PTPRK: variants seen among roughly 807,000 people sequenced by gnomAD.
The protein encoded by PTPRK is receptor-type tyrosine-protein phosphatase kappa.
In PTPRK, 75 loss-of-function variants were observed where a neutral mutation model predicts 178.0. The observed-to-expected ratio is 0.42, with a 90% CI of 0.35 to 0.51. The LOEUF (loss-of-function observed/expected upper bound fraction) is 0.51, where lower values mean the gene tolerates loss of function less well. Ranked by LOEUF, PTPRK falls within the 20% of genes least tolerant of loss-of-function variation. PTPRK has a pLI of 0.02. For missense variants in PTPRK, 1,441 were observed against 1,797.8 expected (o/e 0.80, Z 3.59); for synonymous variants, 637 against 620.6 (o/e 1.03, Z -0.39).
chr6:128,193,790 C>G (rs1156465648), intron 6 of PTPRK, among the ~76,000 whole-genome samples: 1 of 151,994 alleles, frequency 6.6e-6, no homozygotes, highest in Non-Finnish European at 1.5e-5. Context: ...GAAAACATTG[C>G]TGCAATAACT....
rs138896119 is a variant in PTPRK, at chr6:128,272,841, C to T, written c.496-30239G>A. On this transcript the variant is annotated intron_variant, in intron 3 of 29. Transcript: ENST00000368226. Reference sequence around the variant, plus strand: ...CTAGAACTAGAAATACCATTTGACCCAGCCATCCCATTACTGAGCATATAC... The same window carrying T: ...CTAGAACTAGAAATACCATTTGACCTAGCCATCCCATTACTGAGCATATAC... Among the ~76,000 whole-genome samples, 232 of 152,274 alleles carry T rather than the reference C, an allele frequency of 1.5e-3. 2 individuals carry two copies. Among genetic ancestry groups the T allele is most frequent in the African/African-American group, 5.4e-3 (224 of 41,558 alleles).
chr6:128,339,605 T>C lies in PTPRK; in HGVS notation c.224-17295A>G, dbSNP rs77951839. ...GAGGCAAAATTGCAACTAATTGTGA[T>C]TGAAACACAATCATAATTTTCCTCC... On this transcript the variant is annotated intron_variant, in intron 2 of 29. Transcript: ENST00000368226. 9.6e-3 allele frequency among the ~76,000 whole-genome samples: 1,468 copies of C among 152,266 alleles called. 25 individuals are homozygous for C. The highest frequency in any genetic ancestry group is 0.033 in the African/African-American group (1,379 of 41,544).
intron 15 of PTPRK, chr6:127,999,889 C>G: frequency 2.5e-6 from 2 of 809,404 alleles, no homozygotes; most frequent in Non-Finnish European, 3.0e-6. Flanking sequence ...CACAATTAAG[C>G]GTAAGTCCCT....
chr6:128,435,948 A>G (rs1378316234), intron 1 of PTPRK, among the ~76,000 whole-genome samples: 1 of 151,388 alleles, frequency 6.6e-6, no homozygotes, highest in African/African-American at 2.4e-5. Flanking sequence ...AAGTCAACTA[A>G]TTGACCAAAT....
rs74512226 is a variant in PTPRK at position 127,990,625 on chromosome 6, T to C, written c.3096+144A>G. 1.5e-3 allele frequency: 907 copies of C among 621,346 alleles called. 6 individuals carry two copies. The highest frequency in any genetic ancestry group is 0.013 in the African/African-American group (715 of 54,064). The allele number at this position is 621,346 out of a possible 1,614,324, so 38.5% of individuals were successfully genotyped here. A position where few individuals can be genotyped will look rare whatever the true frequency, so the allele number is the denominator to read the frequency against. On this transcript the variant is annotated intron_variant, in intron 21 of 29. Coordinates refer to ENST00000368226, the MANE Select transcript of PTPRK (RefSeq NM_002844.4). ...AAGGTTTAGAAACATGTCTGGCACA[T>C]AGTAAACTCTCAAATAAACATTTGT...
At chr6:127,977,178 G>A (rs957618140) in intron 25 of PTPRK, 124 bp from the exon 26 acceptor site, 2 of 924,078 alleles carry the variant, frequency 2.2e-6, no homozygotes, top group African/African-American at 3.3e-5. Flanking sequence ...TGCAGAAGGA[G>A]CCAGAGTGAT....
At chr6:128,391,438 T>C (rs1839554221) in intron 2 of PTPRK, among the ~76,000 whole-genome samples, 1 of 152,158 alleles carries the variant, frequency 6.6e-6, no homozygotes, top group Non-Finnish European at 1.5e-5. Flanking sequence ...TTTCTCAATC[T>C]CGTAATACAA....
Position 127,981,389 on chromosome 6 carries a change from G to T in PTPRK, c.3538-100C>A. The T allele has an allele frequency of 1.2e-5, 10 of 821,646 alleles. No individual in the cohort carries two copies. In the South Asian group the frequency reaches 1.7e-4, roughly 14 times the overall value. 50.9% of individuals were successfully genotyped at this position (821,646 alleles called of 1,614,324 possible). On this transcript the variant is annotated intron_variant, in intron 24 of 29. Transcript: ENST00000368226. Reference sequence around the variant, plus strand: ...TTAGAAGGCCAAGTAGAAAGTGAAGGATTTGTGCGAGGCAATGGCATTTGC... The same window carrying T: ...TTAGAAGGCCAAGTAGAAAGTGAAGTATTTGTGCGAGGCAATGGCATTTGC...
At chr6:127,996,850 C>A in intron 17 of PTPRK, 51 bp downstream of exon 17, 2 of 1,565,354 alleles carry the variant, frequency 1.3e-6, no homozygotes, top group Non-Finnish European at 1.7e-6. Context: ...AAGTTTAAAA[C>A]CATATAAGCA....
At chr6:128,270,284 C>G (rs181600144) in intron 3 of PTPRK, among the ~76,000 whole-genome samples, 2 of 152,196 alleles carry the variant, frequency 1.3e-5, no homozygotes, top group East Asian at 3.9e-4. Context: ...TCTAAGTCCT[C>G]TCCTAGGATT....
chr6:128,326,296 C>A (rs1260606045), intron 2 of PTPRK, among the ~76,000 whole-genome samples: 1 of 152,040 alleles, frequency 6.6e-6, no homozygotes, highest in African/African-American at 2.4e-5. Flanking sequence ...TATCTCAGAA[C>A]TTAAAGTATA....
intron 3 of PTPRK, among the ~76,000 whole-genome samples, chr6:128,250,181 C>G (rs1816234435): frequency 6.6e-6 from 1 of 152,100 alleles, no homozygotes; most frequent in Non-Finnish European, 1.5e-5. Context: ...ATTTTTCTTC[C>G]CAGTCTCATG....
intron 7 of PTPRK, among the ~76,000 whole-genome samples, chr6:128,140,264 A>C (rs1283543157): frequency 2.0e-5 from 3 of 152,100 alleles, no homozygotes; most frequent in Non-Finnish European, 1.5e-5. Context: ...ATTAAGGAGA[A>C]TGTATTTAAA....
chr6:128,086,094 A>G (rs1379236821), intron 8 of PTPRK, among the ~76,000 whole-genome samples: 1 of 152,122 alleles, frequency 6.6e-6, no homozygotes, highest in Non-Finnish European at 1.5e-5. Flanking sequence ...CACATCAACA[A>G]CTTTTAATGG....
chr6:128,388,697 G>A (rs1324654073), intron 2 of PTPRK, among the ~76,000 whole-genome samples: 1 of 152,124 alleles, frequency 6.6e-6, no homozygotes, highest in Non-Finnish European at 1.5e-5. Flanking sequence ...AATTTACTTA[G>A]GTTCACCTGA....
At chr6:128,183,516 T>C (rs1562743353) in intron 7 of PTPRK, among the ~76,000 whole-genome samples, 1 of 152,158 alleles carries the variant, frequency 6.6e-6, no homozygotes, top group African/African-American at 2.4e-5. Flanking sequence ...TTTTGATATA[T>C]AAATATGATG....
In PTPRK at chr6:128,154,891, A is replaced by G. The variant is rs149491412; in HGVS notation, c.1162+29541T>C. 2.9e-3 allele frequency among the ~76,000 whole-genome samples: 438 copies of G among 151,862 alleles called. 1 individual carries two copies. The highest frequency in any genetic ancestry group is 0.01 in the African/African-American group (427 of 41,512). On this transcript the variant is annotated intron_variant, in intron 7 of 29. Transcript: ENST00000368226. ...GAATGTAACAAACCCACATGTACCT[A>G]GATTCATTAACTATATTAGTTGATT...
intron 7 of PTPRK, among the ~76,000 whole-genome samples, chr6:128,118,821 C>T (rs893441775): frequency 6.6e-6 from 1 of 152,118 alleles, no homozygotes; most frequent in Non-Finnish European, 1.5e-5. Flanking sequence ...GAAAATTTTC[C>T]TCTTAATCCT....
intron 1 of PTPRK, among the ~76,000 whole-genome samples, chr6:128,435,636 C>A (rs1280290648): frequency 6.6e-6 from 1 of 152,028 alleles, no homozygotes; most frequent in African/African-American, 2.4e-5. Flanking sequence ...TAAAGCAGTT[C>A]GTTATCTGTT....
Sources: gnomAD v4.1 joint callset for allele counts (sites outside exome capture counted in the v4.1 genomes callset) on GRCh38, gnomAD v4.1.1 for gene constraint, MANE v1.5 for transcripts, NCBI Gene and HGNC (gene_info 2026-07-23, HGNC 2026-07-21) for gene names.